Variants in SART3 observed in about 807,000 individuals in gnomAD.
The protein encoded by SART3 is HIV-1 Tat-interacting protein of 110kDa.
In SART3, 44 loss-of-function variants were observed where a neutral mutation model predicts 122.3. That is an observed-to-expected ratio of 0.36 (90% confidence interval 0.28 to 0.46). The LOEUF (loss-of-function observed/expected upper bound fraction) is 0.46. Ranked by LOEUF, SART3 falls within the 20% of genes least tolerant of loss-of-function variation. The pLI is 1.00. For synonymous variants in SART3, 442 were observed against 454.0 expected, an observed-to-expected ratio of 0.97 and a Z score of 0.34; for missense variants, 1,101 against 1,229.0, an observed-to-expected ratio of 0.90 and a Z score of 1.56.
At chr12:108,551,794 C>T (rs768751261) in intron 1 of SART3, among the ~76,000 whole-genome samples, 79 of 151,992 alleles carry the variant, frequency 5.2e-4, no homozygotes, top group Non-Finnish European at 9.3e-4. Context: ...AAACCACTAA[C>T]AGTAAGAAAA....
intron 12 of SART3, 80 bp from the exon 13 acceptor site, chr12:108,532,414 G>T: frequency 2.7e-6 from 3 of 1,129,906 alleles, no homozygotes; most frequent in Non-Finnish European, 3.9e-6. Flanking sequence ...CTTCTCCCAG[G>T]TAGAAACTCA....
At chr12:108,546,012 T>C (rs1357290870) in intron 3 of SART3, among the ~76,000 whole-genome samples, 1 of 150,688 alleles carries the variant, frequency 6.6e-6, no homozygotes, top group Non-Finnish European at 1.5e-5. Flanking sequence ...TTTATATTCA[T>C]AAAACACCGC....
At chr12:108,536,436 C>G in intron 11 of SART3, 78 bp downstream of exon 11, 1 of 1,416,012 alleles carries the variant, frequency 7.1e-7, no homozygotes. Flanking sequence ...GGGATTCTGA[C>G]TCAATTTTAA....
intron 1 of SART3, among the ~76,000 whole-genome samples, chr12:108,553,581 A>C (rs769241064): frequency 6.6e-6 from 1 of 152,190 alleles, no homozygotes; most frequent in East Asian, 1.9e-4. Context: ...GATTACCTAC[A>C]CTTCATTCAA....
At chr12:108,531,321 T>C (rs370618845) in intron 13 of SART3, 41 bp from the exon 14 acceptor site, 42 of 1,510,482 alleles carry the variant, frequency 2.8e-5, no homozygotes, top group Non-Finnish European at 3.7e-5. Flanking sequence ...CTTTAGGATT[T>C]TGAAGGATAC....
rs1183478001 is a variant in SART3 at position 108,522,992 on chromosome 12, G to A, written c.*465C>T. The A allele has an allele frequency of 1.1e-5, 2 of 179,950 alleles. No individual in the cohort carries two copies. The highest frequency in any genetic ancestry group is 2.4e-5 in the Non-Finnish European group (2 of 84,138). 11.1% of individuals were successfully genotyped at this position (179,950 alleles called of 1,614,324 possible). On this transcript the variant is annotated 3_prime_UTR_variant, in exon 19 of 19. Transcript: ENST00000546815. ...AATGTTTTATAGCTGACTTCCCTCA[G>A]ACCCACCCCCACAAGAGGCCATTCT...
chr12:108,547,377 C>G (rs998420283), intron 3 of SART3, among the ~76,000 whole-genome samples: 2 of 151,930 alleles, frequency 1.3e-5, no homozygotes, highest in Non-Finnish European at 2.9e-5. Context: ...AATAAAATGT[C>G]TTTTTTTTCC....
chr12:108,530,416 G>T, intron 14 of SART3, 106 bp from the exon 15 acceptor site: 3 of 1,296,868 alleles, frequency 2.3e-6, no homozygotes, highest in Non-Finnish European at 3.3e-6. Flanking sequence ...CTAATGAAAA[G>T]CAGAGATCAG....
At chr12:108,543,199 A>C in intron 5 of SART3, 47 bp from the exon 6 acceptor site, 1 of 1,609,798 alleles carries the variant, frequency 6.2e-7, no homozygotes, top group Non-Finnish European at 8.5e-7. Context: ...ATTGGGCTTT[A>C]TCAACCCAAA....
chr12:108,539,629 T>G (rs1565862483), intron 6 of SART3, among the ~76,000 whole-genome samples: 1 of 152,236 alleles, frequency 6.6e-6, no homozygotes, highest in Non-Finnish European at 1.5e-5. Context: ...AAAATCTTAT[T>G]CGACATGTTT....
At chr12:108,524,570 C>T in intron 17 of SART3, 64 bp from the exon 18 acceptor site, 3 of 1,502,652 alleles carry the variant, frequency 2.0e-6, no homozygotes, top group Non-Finnish European at 1.8e-6. Flanking sequence ...CCTCCTCCTG[C>T]AGGGCAGGCA....
chr12:108,537,627 C>A, intron 8 of SART3, 32 bp from the exon 9 acceptor site: 3 of 1,536,588 alleles, frequency 2.0e-6, no homozygotes, highest in South Asian at 1.1e-5. Context: ...GATTTGTTAC[C>A]AATTCAAATG....
At chr12:108,542,885 A>G (rs1565863763) in intron 6 of SART3, 143 bp downstream of exon 6, 1 of 1,131,826 alleles carries the variant, frequency 8.8e-7, no homozygotes, top group Non-Finnish European at 1.3e-6. Flanking sequence ...TCACTTTATT[A>G]TTAGTATGTA....
intron 15 of SART3, among the ~76,000 whole-genome samples, chr12:108,528,439 C>G (rs1565857987): frequency 6.8e-6 from 1 of 147,958 alleles, no homozygotes; most frequent in Non-Finnish European, 1.5e-5. Flanking sequence ...GCCGAGATCA[C>G]GCAACTGCAC....
intron 1 of SART3, among the ~76,000 whole-genome samples, chr12:108,555,167 C>A (rs1270835821): frequency 1.3e-5 from 2 of 152,072 alleles, no homozygotes; most frequent in African/African-American, 4.8e-5. Flanking sequence ...ACTACTGAAC[C>A]ATACACTTAA....
intron 14 of SART3, 30 bp downstream of exon 14, chr12:108,531,174 G>A: frequency 6.3e-7 from 1 of 1,589,074 alleles, no homozygotes; most frequent in Non-Finnish European, 8.6e-7. Flanking sequence ...AGCTACCAGA[G>A]GTGCCAAAGA....
chr12:108,554,852 T>A (rs1279531012), intron 1 of SART3, among the ~76,000 whole-genome samples: 1 of 152,028 alleles, frequency 6.6e-6, no homozygotes, highest in Non-Finnish European at 1.5e-5. Flanking sequence ...TATGGTCAGA[T>A]GATATCAATG....
intron 7 of SART3, 26 bp from the exon 8 acceptor site, chr12:108,538,229 G>A: frequency 6.2e-7 from 1 of 1,613,656 alleles, no homozygotes; most frequent in Non-Finnish European, 8.5e-7. Context: ...CCAGAGTTAG[G>A]AAATTACACT....
intron 1 of SART3, among the ~76,000 whole-genome samples, chr12:108,552,048 T>C (rs1020597075): frequency 6.6e-6 from 1 of 152,158 alleles, no homozygotes; most frequent in Non-Finnish European, 1.5e-5. Context: ...TAATTCAACA[T>C]TTAAAAATCA....
Sources: allele counts gnomAD v4.1 joint callset (sites outside exome capture counted in the v4.1 genomes callset), GRCh38; gene constraint gnomAD v4.1.1; transcripts MANE v1.5; gene names NCBI Gene and HGNC (gene_info 2026-07-23, HGNC 2026-07-21).